The following ARB2A variants were observed in gnomAD, a reference collection of about 807,000 sequenced individuals.
ARB2A encodes the protein cotranscriptional regulator ARB2A.
At chr5:93,827,834 C>T in the ARB2A span, among the ~76,000 whole-genome samples, 1 of 151,908 alleles carries the variant, frequency 6.6e-6, no homozygotes, top group Admixed American at 6.6e-5. Context: ...GTTTTCCCAG[C>T]ACCATTTATT....
chr5:94,084,239 G>A, the ARB2A span, among the ~76,000 whole-genome samples: 5 of 136,584 alleles, frequency 3.7e-5, no homozygotes, highest in Admixed American at 1.6e-4. Flanking sequence ...GCACTACTGC[G>A]CTCCAATCTG....
the ARB2A span, among the ~76,000 whole-genome samples, chr5:93,768,544 T>C: frequency 6.6e-6 from 1 of 151,074 alleles, no homozygotes. Flanking sequence ...ATATATAGCG[T>C]ATACATTTAT....
At chr5:93,758,226 T>C in the ARB2A span, among the ~76,000 whole-genome samples, 4 of 152,062 alleles carry the variant, frequency 2.6e-5, no homozygotes, top group Admixed American at 6.6e-5. Flanking sequence ...CATCTAACAC[T>C]GGAGCTCCCA....
At chr5:93,929,108 T>A in the ARB2A span, among the ~76,000 whole-genome samples, 1 of 152,148 alleles carries the variant, frequency 6.6e-6, no homozygotes, top group Non-Finnish European at 1.5e-5. Flanking sequence ...ATTAGATACA[T>A]ATCCAGAATC....
the ARB2A span, among the ~76,000 whole-genome samples, chr5:93,983,421 A>G: frequency 5.0e-3 from 758 of 152,298 alleles, 6 homozygotes; most frequent in African/African-American, 0.017. Flanking sequence ...CCTTCTGGCT[A>G]AATCTGGGAT....
the ARB2A span, among the ~76,000 whole-genome samples, chr5:93,656,811 G>GT: frequency 3.0e-3 from 451 of 148,468 alleles, 1 homozygote; most frequent in South Asian, 7.7e-3. Flanking sequence ...TTTATAAGTT[G>GT]TTTTTTTTTT....
chr5:94,058,558 C>T, the ARB2A span, among the ~76,000 whole-genome samples: 2 of 151,972 alleles, frequency 1.3e-5, no homozygotes, highest in East Asian at 3.9e-4. Flanking sequence ...AAAATTCTAT[C>T]TAAAATTAAA....
At chr5:93,724,177 C>T in the ARB2A span, among the ~76,000 whole-genome samples, 2 of 151,142 alleles carry the variant, frequency 1.3e-5, no homozygotes, top group Admixed American at 1.3e-4. Flanking sequence ...GAGTTGTTAA[C>T]CTAAGGGTGC....
At chr5:93,661,429 G>C in the ARB2A span, among the ~76,000 whole-genome samples, 2 of 152,116 alleles carry the variant, frequency 1.3e-5, no homozygotes, top group African/African-American at 4.8e-5. Flanking sequence ...CTTATGACCT[G>C]TTTCAGGGAC....
At chr5:93,799,292 T>C in the ARB2A span, among the ~76,000 whole-genome samples, 1 of 152,114 alleles carries the variant, frequency 6.6e-6, no homozygotes, top group Non-Finnish European at 1.5e-5. Context: ...TATCCAGAAC[T>C]GTAAGTATCA....
the ARB2A span, among the ~76,000 whole-genome samples, chr5:94,096,450 T>C: frequency 6.6e-6 from 1 of 152,262 alleles, no homozygotes; most frequent in African/African-American, 2.4e-5. Context: ...CTTGATTACA[T>C]ATGATGGCAA....
chr5:94,006,890 G>C, the ARB2A span, among the ~76,000 whole-genome samples: 2 of 152,176 alleles, frequency 1.3e-5, no homozygotes, highest in African/African-American at 4.8e-5. Flanking sequence ...GAAAATGAAA[G>C]TGTTAGCTAT....
chr5:93,735,375 CTG>C, the ARB2A span: 1 of 152,232 alleles, frequency 6.6e-6, no homozygotes, highest in Non-Finnish European at 1.5e-5. Context: ...GGTGGGGCAG[CTG>C]TGTCAATGAT....
chr5:93,997,659 A>C, the ARB2A span, among the ~76,000 whole-genome samples: 1 of 151,982 alleles, frequency 6.6e-6, no homozygotes, highest in Non-Finnish European at 1.5e-5. Flanking sequence ...GAGTTCAAAT[A>C]CCTCTGCAAT....
At chr5:93,824,176 C>A in the ARB2A span, 1 of 1,595,934 alleles carries the variant, frequency 6.3e-7, no homozygotes, top group Non-Finnish European at 8.5e-7. Flanking sequence ...TCCTCCATAG[C>A]TGTGAGCAAC....
the ARB2A span, among the ~76,000 whole-genome samples, chr5:93,951,524 T>C: frequency 6.6e-6 from 1 of 152,222 alleles, no homozygotes; most frequent in Non-Finnish European, 1.5e-5. Flanking sequence ...AGGGGTCTAG[T>C]TTCATTCTTC....
chr5:93,916,063 A>G, the ARB2A span, among the ~76,000 whole-genome samples: 2 of 152,088 alleles, frequency 1.3e-5, no homozygotes, highest in Non-Finnish European at 2.9e-5. Context: ...TGTTATCCCT[A>G]TTTTGCAGAA....
the ARB2A span, among the ~76,000 whole-genome samples, chr5:94,034,555 TAA>T: frequency 1.3e-5 from 2 of 152,230 alleles, no homozygotes; most frequent in Non-Finnish European, 2.9e-5. Flanking sequence ...GCTATATTTT[TAA>T]AGAGATTATG....
At chr5:93,772,200 G>C in the ARB2A span, among the ~76,000 whole-genome samples, 1 of 151,982 alleles carries the variant, frequency 6.6e-6, no homozygotes, top group Non-Finnish European at 1.5e-5. Flanking sequence ...GTAAACTATC[G>C]CAAGAACAAA....
Sources: gnomAD v4.1 joint callset for allele counts (sites outside exome capture counted in the v4.1 genomes callset) on GRCh38, gnomAD v4.1.1 for gene constraint, MANE v1.5 for transcripts, NCBI Gene and HGNC (gene_info 2026-07-23, HGNC 2026-07-21) for gene names.